The following TENT4B variants were observed in gnomAD, a reference collection of about 807,000 sequenced individuals.
TENT4B encodes terminal nucleotidyltransferase 4B.
Under a neutral mutation model 75.0 loss-of-function variants are expected in TENT4B, and 10 were observed. The observed-to-expected ratio is 0.13, with a 90% CI of 0.08 to 0.23. The LOEUF (loss-of-function observed/expected upper bound fraction) is 0.23. Among genes scored for constraint, TENT4B ranks in the 10% least tolerant of loss-of-function variants. The probability of loss-of-function intolerance (pLI) is 1.00; values close to 1 mark genes in which losing one functional copy is unlikely to be tolerated. For missense variants in TENT4B, 579 were observed against 893.8 expected, an observed-to-expected ratio of 0.65 and a Z score of 4.49; for synonymous variants, 350 against 357.7, an observed-to-expected ratio of 0.98 and a Z score of 0.24.
chr16:50,224,550 C>A (rs1441040578), intron 7 of TENT4B, 107 bp from the exon 8 acceptor site: 1 of 1,422,560 alleles, frequency 7.0e-7, no homozygotes, highest in East Asian at 2.3e-5. Flanking sequence ...CCAGGCACAA[C>A]TCTGGTGGGA....
chr16:50,166,230 G>A (rs1056261599), intron 1 of TENT4B, among the ~76,000 whole-genome samples: 5 of 151,938 alleles, frequency 3.3e-5, no homozygotes, highest in Non-Finnish European at 4.4e-5. Flanking sequence ...GATTACAGGC[G>A]CATGTCACCA....
intron 1 of TENT4B, among the ~76,000 whole-genome samples, chr16:50,186,222 A>T (rs971935922): frequency 6.6e-6 from 1 of 151,982 alleles, no homozygotes; most frequent in East Asian, 1.9e-4. Context: ...CTTCCCTGCA[A>T]CTAGATGCTG....
At chr16:50,215,995 T>C (rs2031532431) in intron 3 of TENT4B, 80 bp from the exon 4 acceptor site, 6 of 1,544,382 alleles carry the variant, frequency 3.9e-6, no homozygotes, top group Non-Finnish European at 5.3e-6. Flanking sequence ...ATTGTACTAA[T>C]GAAGTCTATA....
At chr16:50,219,716 CCCTT>C (rs1451747738) in intron 5 of TENT4B, among the ~76,000 whole-genome samples, 2 of 147,046 alleles carry the variant, frequency 1.4e-5, no homozygotes, top group African/African-American at 5.0e-5. Flanking sequence ...CTCTATCCCT[CCCTT>C]TCCCTTTTCT....
chr16:50,207,736 A>G (rs1387912444), intron 1 of TENT4B, among the ~76,000 whole-genome samples: 2 of 152,196 alleles, frequency 1.3e-5, no homozygotes, highest in East Asian at 3.8e-4. Flanking sequence ...GTGTACTTGG[A>G]TGCTTTCAGA....
chr16:50,206,197 T>A (rs535582115), intron 1 of TENT4B, among the ~76,000 whole-genome samples: 10 of 152,304 alleles, frequency 6.6e-5, no homozygotes, highest in South Asian at 2.1e-4. Flanking sequence ...AGGGAAATTT[T>A]AAAAATTATT....
At chr16:50,181,906 G>C (rs1046671622) in intron 1 of TENT4B, among the ~76,000 whole-genome samples, 1 of 152,172 alleles carries the variant, frequency 6.6e-6, no homozygotes, top group Admixed American at 6.5e-5. Flanking sequence ...AAAAATGCTA[G>C]ATTAGGTTAG....
At chr16:50,179,804 G>A (rs777492568) in intron 1 of TENT4B, among the ~76,000 whole-genome samples, 1 of 152,142 alleles carries the variant, frequency 6.6e-6, no homozygotes, top group African/African-American at 2.4e-5. Context: ...GCCCTAGTCT[G>A]TAATGTGTCC....
chr16:50,172,752 A>G (rs1029440261), intron 1 of TENT4B, among the ~76,000 whole-genome samples: 3 of 152,144 alleles, frequency 2.0e-5, no homozygotes, highest in Non-Finnish European at 2.9e-5. Context: ...TGTATCTAGC[A>G]TTATAGTATC....
In TENT4B at chr16:50,234,531, A is replaced by C; in HGVS notation, c.*5203A>C. On this transcript the variant is annotated 3_prime_UTR_variant, in exon 12 of 12. Coordinates refer to ENST00000561678, the MANE Select transcript of TENT4B (RefSeq NM_001365324.3). ...TAAGACCATTTCATTATTACCTTTT[A>C]TATTTAGTTGCAATTTATTATAATA... 4 of 982,954 alleles carry C rather than the reference A, an allele frequency of 4.1e-6. No homozygotes were observed. The highest frequency in any genetic ancestry group is 4.8e-6 in the Non-Finnish European group (4 of 827,712). The allele number at this position is 982,954 out of a possible 1,614,324, so 60.9% of individuals were successfully genotyped here.
At chr16:50,156,226 T>A (rs982647246) in intron 1 of TENT4B, among the ~76,000 whole-genome samples, 1 of 152,124 alleles carries the variant, frequency 6.6e-6, no homozygotes, top group Non-Finnish European at 1.5e-5. Flanking sequence ...ATTTTTTTTT[T>A]AAATTAAAAA....
chr16:50,214,174 C>T, intron 2 of TENT4B, 47 bp from the exon 3 acceptor site: 2 of 1,406,768 alleles, frequency 1.4e-6, no homozygotes, highest in South Asian at 1.2e-5. Flanking sequence ...AATATGATAA[C>T]AACTTCTGAT....
Position 50,211,328 on chromosome 16 carries a change from A to G in TENT4B, c.644A>G (p.His215Arg). Residue 215 changes from histidine (H) to arginine (R), a missense_variant, in exon 2 of 12, where the codon CAT becomes CGT. Physicochemically the swap from His to Arg is conservative, Grantham distance 29. This residue lies in a region of TENT4B where 16 missense variants were observed against 60.1 expected (regional missense o/e 0.27). Transcript: ENST00000561678. ...RNYNQGVVGL[H>R]EEISDFYEYM... The stretch of plus-strand genomic sequence containing the variant: ...TTTTCTGTTTTTTTCTTCAGTCTGC[A>G]TGAAGAAATCAGTGATTTTTATGAA... 6.2e-7 allele frequency: 1 copy of G among 1,605,868 alleles called. No homozygotes were observed.
chr16:50,219,575 C>T (rs973755412), intron 5 of TENT4B, among the ~76,000 whole-genome samples: 1 of 152,018 alleles, frequency 6.6e-6, no homozygotes, highest in African/African-American at 2.4e-5. Context: ...AGAAAGATTC[C>T]CAAAAGCAAA....
At chr16:50,160,834 CT>C (rs1167442876) in intron 1 of TENT4B, among the ~76,000 whole-genome samples, 3 of 152,198 alleles carry the variant, frequency 2.0e-5, no homozygotes, top group Non-Finnish European at 4.4e-5. Context: ...TTTGTTGACT[CT>C]GTTAAGAGTA....
At chr16:50,153,039 G>A (rs994590772), upstream of TENT4B, 5 of 1,511,196 alleles carry the variant, frequency 3.3e-6, no homozygotes, top group African/African-American at 7.1e-5. Flanking sequence ...CCAGGTACGT[G>A]GGAGCACTCC....
chr16:50,183,712 G>A (rs964861962), intron 1 of TENT4B, among the ~76,000 whole-genome samples: 1 of 152,180 alleles, frequency 6.6e-6, no homozygotes, highest in Admixed American at 6.5e-5. Context: ...TCAGAAATGG[G>A]CATTTGTGTC....
intron 1 of TENT4B, 134 bp downstream of exon 1, chr16:50,154,393 T>G (rs1597211269): frequency 7.7e-7 from 1 of 1,298,840 alleles, no homozygotes; most frequent in Non-Finnish European, 9.9e-7. Flanking sequence ...TGCACGGGGG[T>G]GCTGCTGGCC....
chr16:50,201,358 G>A (rs2030635211), intron 1 of TENT4B, among the ~76,000 whole-genome samples: 1 of 152,000 alleles, frequency 6.6e-6, no homozygotes, highest in South Asian at 2.1e-4. Context: ...CCAACATGGT[G>A]AAACGCTGTC....
Sources: allele counts gnomAD v4.1 joint callset (sites outside exome capture counted in the v4.1 genomes callset), GRCh38; gene constraint gnomAD v4.1.1; regional missense constraint gnomAD v4.1.1; transcripts MANE v1.5; gene names NCBI Gene and HGNC (gene_info 2026-07-23, HGNC 2026-07-21).